The following SLC35F4 variants were observed in gnomAD, a reference collection of about 807,000 sequenced individuals.
SLC35F4 encodes chromosome 14 open reading frame 36.
A neutral mutation model predicts 44.2 loss-of-function variants in SLC35F4; 24 were observed. That is an observed-to-expected ratio of 0.54 (90% CI 0.39 to 0.76). SLC35F4 has a LOEUF of 0.76. Among genes scored for constraint, SLC35F4 ranks in the 30% least tolerant of loss-of-function variants. The pLI, the probability that SLC35F4 is intolerant of heterozygous loss-of-function variation, is 0.00. For missense variants in SLC35F4, 562 were observed against 586.1 expected (o/e 0.96, Z 0.42); for synonymous variants, 238 against 223.6 (o/e 1.06, Z -0.57).
At chr14:57,673,991 G>T (rs1321255976) in intron 1 of SLC35F4, among the ~76,000 whole-genome samples, 1 of 151,968 alleles carries the variant, frequency 6.6e-6, no homozygotes, top group Admixed American at 6.6e-5. Flanking sequence ...ACATACAAAT[G>T]ACCAGTTATC....
chr14:57,636,288 G>C (rs2073013593), intron 1 of SLC35F4, among the ~76,000 whole-genome samples: 2 of 152,124 alleles, frequency 1.3e-5, no homozygotes, highest in Admixed American at 6.6e-5. Context: ...TAAACATGTA[G>C]ACCTTACTAA....
At chr14:57,784,585 G>A (rs2077711662) in intron 1 of SLC35F4, among the ~76,000 whole-genome samples, 1 of 152,118 alleles carries the variant, frequency 6.6e-6, no homozygotes. Context: ...GCTGTGCTGG[G>A]AGAATCTCTT....
chr14:57,936,003 T>C (rs968351528), intron 1 of SLC35F4, among the ~76,000 whole-genome samples: 3 of 152,236 alleles, frequency 2.0e-5, no homozygotes, highest in African/African-American at 7.2e-5. Flanking sequence ...CTAAATATTA[T>C]TAAATTTCAA....
intron 1 of SLC35F4, among the ~76,000 whole-genome samples, chr14:57,881,281 A>T (rs1353832039): frequency 1.3e-5 from 2 of 152,110 alleles, no homozygotes; most frequent in Non-Finnish European, 2.9e-5. Flanking sequence ...TTATGAGTTT[A>T]TTTTCTCTGG....
chr14:57,599,808 A>AG (rs1287506189), intron 1 of SLC35F4, among the ~76,000 whole-genome samples: 53 of 151,316 alleles, frequency 3.5e-4, no homozygotes, highest in Admixed American at 9.9e-4. Context: ...TCTTGAAAAA[A>AG]AAAAAAAAAA....
intron 1 of SLC35F4, among the ~76,000 whole-genome samples, chr14:57,836,648 A>G (rs1334298607): frequency 1.3e-5 from 2 of 152,094 alleles, no homozygotes; most frequent in African/African-American, 4.8e-5. Flanking sequence ...TACACAATAG[A>G]GACAATAGTA....
At chr14:57,682,661 C>A (rs1054204711) in intron 1 of SLC35F4, among the ~76,000 whole-genome samples, 6 of 151,002 alleles carry the variant, frequency 4.0e-5, no homozygotes, top group African/African-American at 1.5e-4. Context: ...ATGCCATTTG[C>A]GGTTTTTGCT....
At chr14:57,773,741 T>C (rs1415521280) in intron 1 of SLC35F4, among the ~76,000 whole-genome samples, 1 of 152,150 alleles carries the variant, frequency 6.6e-6, no homozygotes, top group African/African-American at 2.4e-5. Context: ...TTTATGGCAA[T>C]TGCCCAGGTA....
intron 1 of SLC35F4, among the ~76,000 whole-genome samples, chr14:57,964,991 A>AATAT (rs1212108605): frequency 6.7e-4 from 77 of 115,662 alleles, no homozygotes; most frequent in South Asian, 2.2e-3. Flanking sequence ...AAAAAAAAAA[A>AATAT]ATATATATAT....
intron 1 of SLC35F4, among the ~76,000 whole-genome samples, chr14:57,792,949 A>T (rs1237637650): frequency 6.6e-6 from 1 of 152,154 alleles, no homozygotes; most frequent in Non-Finnish European, 1.5e-5. Context: ...TAAACCTATA[A>T]TTAAGTGTAT....
chr14:57,761,455 T>C (rs1046126238), intron 1 of SLC35F4, among the ~76,000 whole-genome samples: 11 of 152,190 alleles, frequency 7.2e-5, no homozygotes, highest in Non-Finnish European at 1.6e-4. Context: ...TATAAAAGTC[T>C]ACATAATGAA....
intron 1 of SLC35F4, among the ~76,000 whole-genome samples, chr14:57,880,968 CAAAATAT>C (rs1459428089): frequency 6.6e-5 from 10 of 152,256 alleles, no homozygotes; most frequent in South Asian, 6.2e-4. Flanking sequence ...CATAGGAAGT[CAAAATAT>C]AATCAGAGAT....
chr14:57,804,426 T>C (rs766527250), intron 1 of SLC35F4, among the ~76,000 whole-genome samples: 6 of 152,052 alleles, frequency 3.9e-5, no homozygotes, highest in Non-Finnish European at 8.8e-5. Flanking sequence ...AGCAGACACA[T>C]AGACCAATGG....
At position 57,797,363 on chromosome 14, in the gene SLC35F4, T is replaced by C. The variant is rs73291892; in HGVS notation, c.103+68360A>G. Among the ~76,000 whole-genome samples, 1,028 of 152,272 alleles carry C rather than the reference T, an allele frequency of 6.8e-3. 13 individuals carry two copies. Among genetic ancestry groups the C allele is most frequent in the African/African-American group, 0.023 (964 of 41,536 alleles). On this transcript the variant is annotated intron_variant, in intron 1 of 7. Coordinates refer to ENST00000556826, the MANE Select transcript of SLC35F4 (RefSeq NM_001306087.2). Reference sequence around the variant, plus strand: ...GCTGGATTCCTCCTGGGAAGTAGCATTGGGATTATTCATGAGGCACAGAAT... The same window carrying C: ...GCTGGATTCCTCCTGGGAAGTAGCACTGGGATTATTCATGAGGCACAGAAT...
intron 1 of SLC35F4, among the ~76,000 whole-genome samples, chr14:57,931,002 T>C (rs763791277): frequency 6.6e-6 from 1 of 152,224 alleles, no homozygotes; most frequent in Non-Finnish European, 1.5e-5. Context: ...GTGTGATGTT[T>C]CACTTTATGG....
intron 1 of SLC35F4, among the ~76,000 whole-genome samples, chr14:57,680,171 C>T (rs2074845958): frequency 6.6e-6 from 1 of 152,162 alleles, no homozygotes; most frequent in Non-Finnish European, 1.5e-5. Context: ...AAAGCTTATC[C>T]ACCACGATCA....
intron 1 of SLC35F4, among the ~76,000 whole-genome samples, chr14:57,777,919 C>A (rs79985896): frequency 1.6e-3 from 247 of 152,160 alleles, no homozygotes; most frequent in African/African-American, 5.6e-3. Context: ...ATCTACAAAG[C>A]AAATGGGGAA....
intron 1 of SLC35F4, among the ~76,000 whole-genome samples, chr14:57,733,663 C>A (rs903821056): frequency 3.3e-5 from 5 of 151,766 alleles, no homozygotes; most frequent in Admixed American, 6.6e-5. Context: ...TGTTAAAATG[C>A]AAAAGCTGAA....
chr14:57,838,905 G>A (rs528352289), intron 1 of SLC35F4, among the ~76,000 whole-genome samples: 1 of 152,066 alleles, frequency 6.6e-6, no homozygotes, highest in Admixed American at 6.6e-5. Flanking sequence ...AGAATGGCAT[G>A]AATAAAAAAT....
Sources: allele counts gnomAD v4.1 joint callset (sites outside exome capture counted in the v4.1 genomes callset), GRCh38; gene constraint gnomAD v4.1.1; transcripts MANE v1.5; gene names NCBI Gene and HGNC (gene_info 2026-07-23, HGNC 2026-07-21).